ARB2A: variants seen among roughly 807,000 people sequenced by gnomAD.
ARB2A encodes ARB2 cotranscriptional regulator A.
chr5:93,786,057 C>T, the ARB2A span, among the ~76,000 whole-genome samples: 1 of 152,108 alleles, frequency 6.6e-6, no homozygotes. Flanking sequence ...TTTTAGAGAT[C>T]TAGACCAATT....
the ARB2A span, among the ~76,000 whole-genome samples, chr5:93,707,587 T>C: frequency 1.3e-5 from 2 of 150,198 alleles, no homozygotes; most frequent in Non-Finnish European, 3.0e-5. Flanking sequence ...TTTTTTTTTT[T>C]TTTTTGAGAC....
At chr5:94,040,388 T>C in the ARB2A span, among the ~76,000 whole-genome samples, 1 of 151,848 alleles carries the variant, frequency 6.6e-6, no homozygotes, top group African/African-American at 2.4e-5. Flanking sequence ...AGTTTTAGGG[T>C]ACATGTACAC....
At chr5:93,822,194 A>T in the ARB2A span, among the ~76,000 whole-genome samples, 1 of 152,138 alleles carries the variant, frequency 6.6e-6, no homozygotes, top group Non-Finnish European at 1.5e-5. Flanking sequence ...TCAGCTTGTG[A>T]TAATTTCACA....
the ARB2A span, among the ~76,000 whole-genome samples, chr5:93,622,802 A>G: frequency 3.3e-5 from 5 of 152,220 alleles, no homozygotes; most frequent in Non-Finnish European, 7.3e-5. Context: ...ATCTTGTTAA[A>G]TCCTAAAGTG....
At chr5:93,848,387 T>C in the ARB2A span, among the ~76,000 whole-genome samples, 1 of 131,620 alleles carries the variant, frequency 7.6e-6, no homozygotes, top group Non-Finnish European at 1.7e-5. Flanking sequence ...GTCTAAAGAT[T>C]AAAAAAAAAA....
At chr5:93,752,861 C>T in the ARB2A span, among the ~76,000 whole-genome samples, 3 of 152,050 alleles carry the variant, frequency 2.0e-5, no homozygotes, top group African/African-American at 4.8e-5. Context: ...TTATCCCTTA[C>T]GTTAACTAAT....
At chr5:94,017,755 C>A in the ARB2A span, among the ~76,000 whole-genome samples, 1 of 152,096 alleles carries the variant, frequency 6.6e-6, no homozygotes, top group South Asian at 2.1e-4. Context: ...GTACAGTAGT[C>A]CCACTATTAC....
At chr5:93,908,944 C>G in the ARB2A span, among the ~76,000 whole-genome samples, 1 of 150,870 alleles carries the variant, frequency 6.6e-6, no homozygotes, top group African/African-American at 2.4e-5. Context: ...GGGAATTTAT[C>G]TTCTAAGAAT....
At chr5:93,852,378 C>A in the ARB2A span, among the ~76,000 whole-genome samples, 1 of 152,090 alleles carries the variant, frequency 6.6e-6, no homozygotes, top group African/African-American at 2.4e-5. Context: ...GAGTAGATTG[C>A]AAAAATTTTC....
chr5:94,068,862 CAAAAAAAAAAAA>C, the ARB2A span, among the ~76,000 whole-genome samples: 2 of 62,352 alleles, frequency 3.2e-5, no homozygotes, highest in Non-Finnish European at 5.9e-5. Flanking sequence ...ACTAAAAATA[CAAAAAAAAAAAA>C]AAAAAAAAAA....
At chr5:94,056,388 T>C in the ARB2A span, among the ~76,000 whole-genome samples, 1 of 152,178 alleles carries the variant, frequency 6.6e-6, no homozygotes, top group Non-Finnish European at 1.5e-5. Context: ...AAAGGAACTG[T>C]CAGAAATTAT....
the ARB2A span, among the ~76,000 whole-genome samples, chr5:93,887,381 A>C: frequency 1.3e-5 from 2 of 151,886 alleles, no homozygotes; most frequent in African/African-American, 4.8e-5. Flanking sequence ...AAGGAGCTCA[A>C]GAACATAAAG....
chr5:93,918,971 G>A, the ARB2A span, among the ~76,000 whole-genome samples: 1 of 152,200 alleles, frequency 6.6e-6, no homozygotes, highest in African/African-American at 2.4e-5. Context: ...AGTGGGCAGT[G>A]GTTCCCAAAC....
the ARB2A span, among the ~76,000 whole-genome samples, chr5:93,793,180 C>T: frequency 3.3e-5 from 5 of 151,564 alleles, no homozygotes; most frequent in Non-Finnish European, 4.4e-5. Flanking sequence ...TCAAGTGAAC[C>T]TCTCGCCTCA....
chr5:93,885,707 T>C, the ARB2A span, among the ~76,000 whole-genome samples: 1 of 151,718 alleles, frequency 6.6e-6, no homozygotes, highest in African/African-American at 2.4e-5. Context: ...TTTTATACTT[T>C]TGTTGCTATA....
the ARB2A span, among the ~76,000 whole-genome samples, chr5:94,034,930 G>A: frequency 2.0e-5 from 3 of 152,188 alleles, no homozygotes; most frequent in South Asian, 2.1e-4. Flanking sequence ...AACTGTACAC[G>A]CAAGGGATCT....
chr5:93,762,692 T>C, the ARB2A span, among the ~76,000 whole-genome samples: 8 of 152,032 alleles, frequency 5.3e-5, no homozygotes, highest in African/African-American at 1.9e-4. Context: ...ATTCAGGAAA[T>C]ACAGAGAACG....
chr5:93,786,908 G>T, the ARB2A span, among the ~76,000 whole-genome samples: 1 of 152,158 alleles, frequency 6.6e-6, no homozygotes, highest in Non-Finnish European at 1.5e-5. Context: ...TAGAAGCACA[G>T]CTGGGCAGGA....
chr5:93,729,850 G>A, the ARB2A span, among the ~76,000 whole-genome samples: 1 of 150,010 alleles, frequency 6.7e-6, no homozygotes, highest in Non-Finnish European at 1.5e-5. Flanking sequence ...AATCGTTGTT[G>A]TCCTCATTAA....
Sources: gnomAD v4.1 joint callset for allele counts (sites outside exome capture counted in the v4.1 genomes callset) on GRCh38, gnomAD v4.1.1 for gene constraint, MANE v1.5 for transcripts, NCBI Gene and HGNC (gene_info 2026-07-23, HGNC 2026-07-21) for gene names.